The following SHANK2 variants were observed in gnomAD, a reference collection of about 807,000 sequenced individuals.
The protein encoded by SHANK2 is SH3 and multiple ankyrin repeat domains 2.
A neutral mutation model predicts 133.7 loss-of-function variants in SHANK2; 43 were observed. The ratio of observed to expected loss-of-function variants is 0.32; its 90% CI spans 0.25 to 0.41. The LOEUF is 0.41. SHANK2 is among the 10% of genes least tolerant of loss of function. The probability of loss-of-function intolerance (pLI) is 1.00; values close to 1 mark genes in which losing one functional copy is unlikely to be tolerated. For missense variants in SHANK2, 1,994 were observed against 2,235.8 expected (o/e 0.89, Z 2.18); for synonymous variants, 1,017 against 952.8 (o/e 1.07, Z -1.24).
chr11:70,632,288 A>AT (rs369095866), intron 17 of SHANK2, among the ~76,000 whole-genome samples: 172 of 148,928 alleles, frequency 1.2e-3, no homozygotes, highest in African/African-American at 3.2e-3. Flanking sequence ...CGCCCGGCTA[A>AT]TTTTTTTTTT....
At chr11:70,774,817 C>T (rs915921012) in intron 14 of SHANK2, among the ~76,000 whole-genome samples, 9 of 152,232 alleles carry the variant, frequency 5.9e-5, no homozygotes, top group East Asian at 1.9e-4. Context: ...TGAATTCCTT[C>T]GGATCACAGA....
chr11:70,737,836 C>G (rs550570914), intron 14 of SHANK2, among the ~76,000 whole-genome samples: 1 of 152,234 alleles, frequency 6.6e-6, no homozygotes. Flanking sequence ...GCAAGGAGGC[C>G]CGTCATTTGC....
intron 2 of SHANK2, among the ~76,000 whole-genome samples, chr11:71,163,722 T>C (rs1953077783): frequency 6.6e-6 from 1 of 152,154 alleles, no homozygotes; most frequent in Non-Finnish European, 1.5e-5. Context: ...AGGAGCTCAG[T>C]GGAAACTGCC....
At chr11:70,783,039 G>T (rs1555045562) in intron 14 of SHANK2, among the ~76,000 whole-genome samples, 2 of 152,162 alleles carry the variant, frequency 1.3e-5, no homozygotes, top group Admixed American at 6.5e-5. Flanking sequence ...CCTAAGAAGA[G>T]ATAGCACAGT....
rs138407245 is a variant in SHANK2 at position 70,824,107 on chromosome 11, G to A, written c.1175-3425C>T. ...TGATGGAGCTCCTGAGGGCAGAGGAGGTGCTGGCAGAGCTCATGGGGGATG... is the reference window on the plus strand; with the variant it reads ...TGATGGAGCTCCTGAGGGCAGAGGAAGTGCTGGCAGAGCTCATGGGGGATG... On this transcript the variant is annotated intron_variant, in intron 11 of 25. Coordinates refer to ENST00000601538, the MANE Select transcript of SHANK2 (RefSeq NM_012309.5). 4.7e-3 allele frequency among the ~76,000 whole-genome samples: 717 copies of A among 151,236 alleles called. 5 individuals carry two copies. The highest frequency in any genetic ancestry group is 0.016 in the African/African-American group (669 of 41,256).
chr11:70,502,730 T>TGGGGGGGGGGGGGGGGG, intron 18 of SHANK2, 66 bp downstream of exon 18: 24 of 772,452 alleles, frequency 3.1e-5, no homozygotes, highest in Middle Eastern at 4.6e-4. Flanking sequence ...CCAGCTGTCC[T>TGGGGGGGGGGGGGGGGG]GCCCGCCCCC....
At chr11:71,082,943 G>GCCC (rs1256897794) in intron 8 of SHANK2, among the ~76,000 whole-genome samples, 22 of 115,892 alleles carry the variant, frequency 1.9e-4, no homozygotes, top group Admixed American at 1.0e-3. Context: ...CTTAACGCCC[G>GCCC]CCCCCCCCCC....
At chr11:70,521,520 T>C (rs1005606632) in intron 17 of SHANK2, among the ~76,000 whole-genome samples, 2 of 152,272 alleles carry the variant, frequency 1.3e-5, no homozygotes, top group African/African-American at 4.8e-5. Flanking sequence ...ACTCTCTCTC[T>C]TCTACTTCCT....
intron 11 of SHANK2, chr11:70,872,291 C>G (rs1447992892): frequency 6.5e-6 from 1 of 154,708 alleles, no homozygotes; most frequent in Non-Finnish European, 1.5e-5. Context: ...AGGTAGGGAA[C>G]TCTGTCTTTA....
chr11:70,748,850 C>G (rs1946697718), intron 14 of SHANK2, among the ~76,000 whole-genome samples: 1 of 152,220 alleles, frequency 6.6e-6, no homozygotes, highest in Non-Finnish European at 1.5e-5. Flanking sequence ...TGCTGCTTAA[C>G]AGTGAAGTGG....
chr11:71,244,328 CAT>C (rs1235340295), intron 1 of SHANK2, among the ~76,000 whole-genome samples: 1 of 152,248 alleles, frequency 6.6e-6, no homozygotes, highest in Non-Finnish European at 1.5e-5. Flanking sequence ...ACTCCACAGA[CAT>C]ATCCTGAACG....
At chr11:71,210,572 T>C (rs1427878134) in intron 2 of SHANK2, among the ~76,000 whole-genome samples, 1 of 152,024 alleles carries the variant, frequency 6.6e-6, no homozygotes, top group Non-Finnish European at 1.5e-5. Context: ...TATATTCATG[T>C]AATGTGCTTT....
At chr11:70,919,007 A>C (rs568160735) in intron 10 of SHANK2, among the ~76,000 whole-genome samples, 83 of 152,144 alleles carry the variant, frequency 5.5e-4, no homozygotes, top group Middle Eastern at 3.4e-3. Context: ...CTACAAAAAA[A>C]TTAAAAATGT....
rs555313896 is a variant in SHANK2, at chr11:70,904,348, G to A, written c.1108-7781C>T. 2.4e-3 allele frequency among the ~76,000 whole-genome samples: 360 copies of A among 152,228 alleles called. 2 individuals are homozygous for A. The highest frequency in any genetic ancestry group is 0.017 in the Middle Eastern group (5 of 294). On this transcript the variant is annotated intron_variant, in intron 10 of 25. Coordinates refer to ENST00000601538, the MANE Select transcript of SHANK2 (RefSeq NM_012309.5). ...TCAGGTCCCGCAGGTGGCGTGGACT[G>A]CAATCCCATGCCATCACCTAAAAAG... is the stretch of plus-strand genomic sequence containing the variant.
chr11:71,107,686 C>A, intron 6 of SHANK2, among the ~76,000 whole-genome samples: 1 of 152,300 alleles, frequency 6.6e-6, no homozygotes, highest in South Asian at 2.1e-4. Flanking sequence ...AGTTTTAACT[C>A]CAGGCAGGAC....
chr11:70,508,069 T>A (rs1484601118), intron 17 of SHANK2, among the ~76,000 whole-genome samples: 1 of 152,168 alleles, frequency 6.6e-6, no homozygotes, highest in Non-Finnish European at 1.5e-5. Flanking sequence ...CACAGGAACC[T>A]CTATCATACA....
chr11:71,119,406 C>T (rs1207686576), intron 3 of SHANK2, among the ~76,000 whole-genome samples: 2 of 152,034 alleles, frequency 1.3e-5, no homozygotes, highest in Non-Finnish European at 2.9e-5. Flanking sequence ...ATGGCGAAAC[C>T]CCATCGCTGC....
chr11:70,619,541 A>C (rs1554997019), intron 17 of SHANK2, among the ~76,000 whole-genome samples: 1 of 152,192 alleles, frequency 6.6e-6, no homozygotes, highest in Non-Finnish European at 1.5e-5. Context: ...AAGATCCCTC[A>C]GTTCATTGCA....
At chr11:70,577,500 G>A (rs897030661) in intron 17 of SHANK2, among the ~76,000 whole-genome samples, 1 of 152,236 alleles carries the variant, frequency 6.6e-6, no homozygotes, top group Non-Finnish European at 1.5e-5. Flanking sequence ...GCAGAATTGA[G>A]CCAGGTAACA....
Sources: allele counts gnomAD v4.1 joint callset (sites outside exome capture counted in the v4.1 genomes callset), GRCh38; gene constraint gnomAD v4.1.1; transcripts MANE v1.5; gene names NCBI Gene and HGNC (gene_info 2026-07-23, HGNC 2026-07-21).